The following PAQR3 variants were observed in gnomAD, a reference collection of about 807,000 sequenced individuals.
PAQR3 encodes progestin and adipoQ receptor family member 3.
In PAQR3, 39 loss-of-function variants were observed where a neutral mutation model predicts 41.7. The observed-to-expected ratio is 0.93, with a 90% CI of 0.72 to 1.22. PAQR3 has a LOEUF of 1.22. PAQR3 is among the 50% of genes most tolerant of loss of function. The probability of loss-of-function intolerance (pLI) is 0.00; values close to 1 mark genes in which losing one functional copy is unlikely to be tolerated. For missense variants in PAQR3, 366 were observed against 385.6 expected (o/e 0.95, Z 0.42); for synonymous variants, 140 against 140.6 (o/e 1.00, Z 0.03).
At chr4:78,906,594 A>G (rs1383035623) in intron 10 of PAQR3, among the ~76,000 whole-genome samples, 1 of 152,120 alleles carries the variant, frequency 6.6e-6, no homozygotes, top group African/African-American at 2.4e-5. Flanking sequence ...CTGTGTGGAT[A>G]TACATTTGTT....
intron 2 of PAQR3, among the ~76,000 whole-genome samples, chr4:78,934,065 A>G (rs1027846973): frequency 1.3e-5 from 2 of 152,172 alleles, no homozygotes; most frequent in African/African-American, 4.8e-5. Flanking sequence ...GGCTGTAATC[A>G]GGGCAAAAAT....
At chr4:78,922,927 G>A (rs1735808593) in intron 5 of PAQR3, 1 of 456,088 alleles carries the variant, frequency 2.2e-6, no homozygotes, top group African/African-American at 2.0e-5. Context: ...AGGTTTTGGA[G>A]ACTGTTGTTC....
chr4:78,931,255 G>A (rs1736867163), intron 2 of PAQR3, among the ~76,000 whole-genome samples: 1 of 151,566 alleles, frequency 6.6e-6, no homozygotes, highest in Non-Finnish European at 1.5e-5. Context: ...CTACTTGGGA[G>A]GCTAAGGCAG....
In PAQR3 at chr4:78,918,775, T is replaced by G. The variant is rs1398368007; in HGVS notation, c.*1764A>C. Reference sequence around the variant, plus strand: ...TAATGATTTTCCCCTCATTTTTAACTTAAGTGTAACTACTCAGTGTCTTTT... The same window carrying G: ...TAATGATTTTCCCCTCATTTTTAACGTAAGTGTAACTACTCAGTGTCTTTT... On this transcript the variant is annotated 3_prime_UTR_variant, in exon 6 of 6. Transcript: ENST00000512733. 3 of 984,176 alleles carry G rather than the reference T, an allele frequency of 3.0e-6. No homozygotes were observed. Among genetic ancestry groups the G allele is most frequent in the Non-Finnish European group, 3.6e-6 (3 of 829,010 alleles). 61.0% of individuals were successfully genotyped at this position (984,176 alleles called of 1,614,324 possible).
At chr4:78,930,129 C>A (rs1736686722) in intron 3 of PAQR3, 41 bp downstream of exon 3, 6 of 1,554,998 alleles carry the variant, frequency 3.9e-6, no homozygotes, top group Non-Finnish European at 5.2e-6. Context: ...AACCCAAGAC[C>A]AATATGAAAG....
chr4:78,920,692 G>A lies in PAQR3; in HGVS notation c.794-11C>T. ...GGTAGTTTAGTTGTCCTGGAAAGAA[G>A]GTAGAAAGAAAATGATAATGATTTC... On this transcript the variant is annotated splice_polypyrimidine_tract_variant and intron_variant, in intron 5 of 5. Coordinates refer to ENST00000512733, the MANE Select transcript of PAQR3 (RefSeq NM_001040202.2). 2 of 1,591,424 alleles carry A rather than the reference G, an allele frequency of 1.3e-6. No individual in the cohort carries two copies. Among genetic ancestry groups the A allele is most frequent in the African/African-American group, 1.4e-5 (1 of 73,826 alleles).
At chr4:78,897,940 G>C (rs1281085632) in intron 11 of PAQR3, among the ~76,000 whole-genome samples, 1 of 152,192 alleles carries the variant, frequency 6.6e-6, no homozygotes, top group Non-Finnish European at 1.5e-5. Flanking sequence ...TGCTACAATA[G>C]ATAAATTATT....
intron 11 of PAQR3, among the ~76,000 whole-genome samples, chr4:78,890,917 G>A (rs1330437847): frequency 1.3e-5 from 2 of 152,160 alleles, no homozygotes; most frequent in East Asian, 3.8e-4. Flanking sequence ...TGCCTAGGCT[G>A]GGTGGGGTGG....
chr4:78,919,711 T>A lies in PAQR3; in HGVS notation c.*828A>T. ...TACAAATTCAGAGAGTTGAAAGCTCTGGAATTTTGGGATCAAAAACCTGTA... is the reference window on the plus strand; with the variant it reads ...TACAAATTCAGAGAGTTGAAAGCTCAGGAATTTTGGGATCAAAAACCTGTA... On this transcript the variant is annotated 3_prime_UTR_variant, in exon 6 of 6. Coordinates refer to ENST00000512733, the MANE Select transcript of PAQR3 (RefSeq NM_001040202.2). 1 of 985,086 alleles carries A rather than the reference T, an allele frequency of 1.0e-6. No individual in the cohort carries two copies. The highest frequency in any genetic ancestry group is 1.2e-6 in the Non-Finnish European group (1 of 829,710). The allele number at this position is 985,086 out of a possible 1,614,324, so 61.0% of individuals were successfully genotyped here.
intron 4 of PAQR3, among the ~76,000 whole-genome samples, chr4:78,925,033 C>T (rs540494491): frequency 4.1e-4 from 62 of 152,166 alleles, no homozygotes; most frequent in Non-Finnish European, 7.8e-4. Flanking sequence ...CCTGTCTTTC[C>T]ATCTTTTTAA....
chr4:78,890,115 A>AAACTTTAT (rs1190041310), intron 11 of PAQR3, among the ~76,000 whole-genome samples: 3 of 152,140 alleles, frequency 2.0e-5, no homozygotes, highest in Non-Finnish European at 4.4e-5. Flanking sequence ...TTGTAAATTG[A>AAACTTTAT]AACTTTATTA....
At chr4:78,935,058 CT>C in intron 2 of PAQR3, 62 bp downstream of exon 2, 1 of 1,531,174 alleles carries the variant, frequency 6.5e-7, no homozygotes, top group Admixed American at 1.8e-5. Flanking sequence ...GTAAGGTCAC[CT>C]GACCAAGACT....
intron 11 of PAQR3, among the ~76,000 whole-genome samples, chr4:78,890,404 G>GCA (rs149825379): frequency 0.12 from 17,753 of 147,942 alleles, 1,293 homozygotes; most frequent in African/African-American, 0.2. Context: ...ACAATCATGC[G>GCA]CACACACACA....
chr4:78,899,660 T>C (rs2110092420), intron 11 of PAQR3, among the ~76,000 whole-genome samples: 1 of 152,194 alleles, frequency 6.6e-6, no homozygotes, highest in African/African-American at 2.4e-5. Flanking sequence ...AAAGAATTTT[T>C]TTTTTTTTTC....
chr4:78,919,363 G>A lies in PAQR3; in HGVS notation c.*1176C>T. On this transcript the variant is annotated 3_prime_UTR_variant, in exon 6 of 6. Coordinates refer to ENST00000512733, the MANE Select transcript of PAQR3 (RefSeq NM_001040202.2). ...AGGGATTTAACTAATGCATATGAAA[G>A]ACCAAAGAATAAGAGGGCTACAATG... The A allele has an allele frequency of 3.0e-6, 3 of 983,904 alleles. No individual in the cohort carries two copies. Among genetic ancestry groups the A allele is most frequent in the Non-Finnish European group, 3.6e-6 (3 of 828,710 alleles). 60.9% of individuals were successfully genotyped at this position (983,904 alleles called of 1,614,324 possible). A position where few individuals can be genotyped will look rare whatever the true frequency, so the allele number is the denominator to read the frequency against.
chr4:78,911,102 A>G (rs1734570954), downstream of PAQR3: 1 of 1,613,902 alleles, frequency 6.2e-7, no homozygotes, highest in Admixed American at 1.7e-5. Flanking sequence ...GAGACTCCCA[A>G]ACAGGAGTTT....
At chr4:78,934,486 C>T (rs1737222298) in intron 2 of PAQR3, among the ~76,000 whole-genome samples, 2 of 152,174 alleles carry the variant, frequency 1.3e-5, no homozygotes, top group South Asian at 2.1e-4. Flanking sequence ...AACAGAACTA[C>T]AGTCCACATT....
intron 11 of PAQR3, among the ~76,000 whole-genome samples, chr4:78,901,567 G>A (rs1734008156): frequency 6.6e-6 from 1 of 152,146 alleles, no homozygotes; most frequent in African/African-American, 2.4e-5. Flanking sequence ...AACTACCAGT[G>A]TTGACTACAG....
At chr4:78,925,800 T>C (rs1336674362) in intron 4 of PAQR3, among the ~76,000 whole-genome samples, 1 of 152,212 alleles carries the variant, frequency 6.6e-6, no homozygotes, top group Non-Finnish European at 1.5e-5. Context: ...ATGTACAGCA[T>C]TTTTGTAATG....
Sources: allele counts gnomAD v4.1 joint callset (sites outside exome capture counted in the v4.1 genomes callset), GRCh38; gene constraint gnomAD v4.1.1; transcripts MANE v1.5; gene names NCBI Gene and HGNC (gene_info 2026-07-23, HGNC 2026-07-21).